SNAP91: variants seen among roughly 807,000 people sequenced by gnomAD.
SNAP91 encodes clathrin coat assembly protein AP180.
Under a neutral mutation model 100.3 loss-of-function variants are expected in SNAP91, and 27 were observed. The ratio of observed to expected loss-of-function variants is 0.27; its 90% CI spans 0.20 to 0.37. SNAP91 has a LOEUF of 0.37. SNAP91 is among the 10% of genes least tolerant of loss of function. The probability of loss-of-function intolerance (pLI) is 1.00; values close to 1 mark genes in which losing one functional copy is unlikely to be tolerated. For synonymous variants in SNAP91, 404 were observed against 398.6 expected, an observed-to-expected ratio of 1.01 and a Z score of -0.16; for missense variants, 986 against 1,123.7, an observed-to-expected ratio of 0.88 and a Z score of 1.75.
chr6:83,597,704 C>T (rs1188961521), intron 16 of SNAP91, among the ~76,000 whole-genome samples: 1 of 152,184 alleles, frequency 6.6e-6, no homozygotes, highest in Non-Finnish European at 1.5e-5. Flanking sequence ...TTCCCTCAGC[C>T]TGACCTATTC....
chr6:83,576,147 A>G (rs1818361489), intron 24 of SNAP91, 94 bp from the exon 25 acceptor site: 1 of 649,066 alleles, frequency 1.5e-6, no homozygotes, highest in Non-Finnish European at 2.5e-6. Flanking sequence ...AGTCTATAAA[A>G]AAGTCCTTAT....
chr6:83,616,583 G>A (rs1422891319), intron 10 of SNAP91, among the ~76,000 whole-genome samples: 4 of 152,116 alleles, frequency 2.6e-5, no homozygotes. Flanking sequence ...TCACAGTGGG[G>A]TTGATAACGA....
chr6:83,571,098 G>T (rs542209179), intron 26 of SNAP91, among the ~76,000 whole-genome samples: 1 of 151,902 alleles, frequency 6.6e-6, no homozygotes, highest in African/African-American at 2.4e-5. Flanking sequence ...CGAGGACCAT[G>T]GGCGCCCACC....
At chr6:83,653,760 G>T (rs1224240225) in intron 7 of SNAP91, among the ~76,000 whole-genome samples, 3 of 152,152 alleles carry the variant, frequency 2.0e-5, no homozygotes. Context: ...GCGGAGAGGG[G>T]AAGTGTTCCA....
chr6:83,559,327 A>C (rs987674002), intron 28 of SNAP91, among the ~76,000 whole-genome samples: 2 of 152,198 alleles, frequency 1.3e-5, no homozygotes, highest in Non-Finnish European at 2.9e-5. Context: ...TAAATGCTGG[A>C]TGCTGAAGCT....
intron 2 of SNAP91, among the ~76,000 whole-genome samples, chr6:83,685,295 T>A (rs1466236379): frequency 1.3e-5 from 2 of 152,100 alleles, no homozygotes; most frequent in Non-Finnish European, 1.5e-5. Context: ...CCTTCCATAA[T>A]GGAAAAAATC....
intron 22 of SNAP91, 37 bp from the exon 23 acceptor site, chr6:83,582,393 A>G: frequency 1.9e-6 from 3 of 1,594,698 alleles, no homozygotes; most frequent in East Asian, 2.3e-5. Context: ...CAGAAATAAC[A>G]TAAAGGTGGG....
chr6:83,663,486 T>G (rs988984271), intron 3 of SNAP91, among the ~76,000 whole-genome samples: 1 of 152,166 alleles, frequency 6.6e-6, no homozygotes. Context: ...ATATGGAGAA[T>G]GTTTGAGTGG....
At chr6:83,685,233 T>G (rs987970983) in intron 2 of SNAP91, among the ~76,000 whole-genome samples, 2 of 152,152 alleles carry the variant, frequency 1.3e-5, no homozygotes. Context: ...GAAAACTCCC[T>G]CTGTGCCACC....
chr6:83,556,491 G>A (rs1583620827), intron 28 of SNAP91, among the ~76,000 whole-genome samples: 1 of 152,122 alleles, frequency 6.6e-6, no homozygotes, highest in African/African-American at 2.4e-5. Context: ...CATAGTCACA[G>A]AGTTGTGTTT....
At chr6:83,651,933 T>G (rs1024982651) in intron 7 of SNAP91, among the ~76,000 whole-genome samples, 1 of 152,148 alleles carries the variant, frequency 6.6e-6, no homozygotes, top group Non-Finnish European at 1.5e-5. Flanking sequence ...TGCTGTTAGG[T>G]GCATATGCAT....
intron 2 of SNAP91, among the ~76,000 whole-genome samples, chr6:83,707,577 C>G (rs1167724000): frequency 6.6e-6 from 1 of 151,020 alleles, no homozygotes; most frequent in Non-Finnish European, 1.5e-5. Flanking sequence ...CCCCCTCCAC[C>G]AAGACCTTGG....
intron 26 of SNAP91, among the ~76,000 whole-genome samples, chr6:83,562,867 T>C (rs1790273709): frequency 6.6e-6 from 1 of 152,198 alleles, no homozygotes; most frequent in African/African-American, 2.4e-5. Context: ...GTTGAACACA[T>C]GTGTCCTGGA....
chr6:83,564,633 G>A (rs1008062049), intron 26 of SNAP91, among the ~76,000 whole-genome samples: 1 of 151,972 alleles, frequency 6.6e-6, no homozygotes, highest in African/African-American at 2.4e-5. Flanking sequence ...CCAAAGTACT[G>A]GGATTAGAGG....
chr6:83,675,860 A>G (rs1481463959), intron 2 of SNAP91, among the ~76,000 whole-genome samples: 1 of 150,250 alleles, frequency 6.7e-6, no homozygotes, highest in East Asian at 2.0e-4. Context: ...ACACACACAC[A>G]GAGTTATAAT....
chr6:83,613,053 A>C (rs997776349), intron 11 of SNAP91, among the ~76,000 whole-genome samples: 2 of 152,202 alleles, frequency 1.3e-5, no homozygotes, highest in African/African-American at 2.4e-5. Flanking sequence ...AAAGAGTATC[A>C]TACTTAAGTA....
At chr6:83,653,993 A>G (rs73486944) in intron 7 of SNAP91, among the ~76,000 whole-genome samples, 4,342 of 152,174 alleles carry the variant, frequency 0.029, 76 homozygotes, top group East Asian at 0.058. Flanking sequence ...GCTCTGGCAT[A>G]TTTCAAAATG....
chr6:83,681,782 T>C (rs1458756453), intron 2 of SNAP91, among the ~76,000 whole-genome samples: 2 of 152,148 alleles, frequency 1.3e-5, no homozygotes, highest in South Asian at 4.1e-4. Flanking sequence ...ATAAGCTGTA[T>C]AAAAGATGAC....
At chr6:83,606,969 A>G (rs1483177175) in intron 13 of SNAP91, among the ~76,000 whole-genome samples, 1 of 152,232 alleles carries the variant, frequency 6.6e-6, no homozygotes, top group Non-Finnish European at 1.5e-5. Context: ...AGTAAAGCAC[A>G]CAGTTAACAT....
Sources: allele counts gnomAD v4.1 joint callset (sites outside exome capture counted in the v4.1 genomes callset), GRCh38; gene constraint gnomAD v4.1.1; transcripts MANE v1.5; gene names NCBI Gene and HGNC (gene_info 2026-07-23, HGNC 2026-07-21).